Variants in ETFDH observed in about 807,000 individuals in gnomAD.
ETFDH encodes electron transfer flavoprotein-ubiquinone oxidoreductase, mitochondrial.
Under a neutral mutation model 73.2 loss-of-function variants are expected in ETFDH, and 61 were observed. That is an observed-to-expected ratio of 0.83 (90% CI 0.68 to 1.03). ETFDH has a LOEUF of 1.03. Ranked by LOEUF, ETFDH falls within the 50% of genes least tolerant of loss-of-function variation. The pLI is 0.00. For missense variants in ETFDH, 685 were observed against 745.0 expected, an observed-to-expected ratio of 0.92 and a Z score of 0.94; for synonymous variants, 243 against 253.3, an observed-to-expected ratio of 0.96 and a Z score of 0.39.
At chr4:158,696,322 G>A (rs1234278805) in intron 7 of ETFDH, among the ~76,000 whole-genome samples, 3 of 152,074 alleles carry the variant, frequency 2.0e-5, no homozygotes, top group Non-Finnish European at 2.9e-5. Flanking sequence ...CCTGGGCAAT[G>A]TAGTGAGACC....
intron 1 of ETFDH, among the ~76,000 whole-genome samples, chr4:158,672,760 A>G (rs1773609141): frequency 6.6e-6 from 1 of 152,062 alleles, no homozygotes; most frequent in Admixed American, 6.6e-5. Flanking sequence ...CTGTCAACAC[A>G]CACACACCTC....
intron 4 of ETFDH, 79 bp from the exon 5 acceptor site, chr4:158,685,022 C>T (rs535767404): frequency 1.8e-5 from 15 of 853,466 alleles, no homozygotes; most frequent in African/African-American, 8.5e-5. Flanking sequence ...CATATTGATT[C>T]GAAATTTTAA....
rs1416118938 is a variant in ETFDH, at chr4:158,672,439, G to A, written c.-18G>A. 6.2e-7 allele frequency: 1 copy of A among 1,614,138 alleles called. No homozygotes were observed. The highest frequency in any genetic ancestry group is 1.7e-5 in the Admixed American group (1 of 60,034). On this transcript the variant is annotated 5_prime_UTR_variant, in exon 1 of 13. Transcript: ENST00000511912. ...GTCCTCCTGTTGTGTCCGACCGAGA[G>A]TCCTGGTGACTTTGAACATGCTGGT...
chr4:158,680,737 A>C, intron 2 of ETFDH, 130 bp downstream of exon 2: 1 of 750,466 alleles, frequency 1.3e-6, no homozygotes, highest in Non-Finnish European at 2.3e-6. Context: ...ACCAAGTCAC[A>C]TGCTGCATAA....
At chr4:158,675,523 T>G (rs1773689348) in intron 1 of ETFDH, among the ~76,000 whole-genome samples, 1 of 152,164 alleles carries the variant, frequency 6.6e-6, no homozygotes, top group South Asian at 2.1e-4. Flanking sequence ...TCCCAGCGTT[T>G]TGGGAGGCTG....
rs188032173 is a variant in ETFDH at position 158,688,589 on chromosome 4, C to T, written c.607-1759C>T. On this transcript the variant is annotated intron_variant, in intron 5 of 12. Coordinates refer to ENST00000511912, the MANE Select transcript of ETFDH (RefSeq NM_004453.4). Reference sequence around the variant, plus strand: ...TTGGGAGGCTGAGGCAGGAGAATGTCGTGAACCCGGGAGGCAGAGCTTGCA... The same window carrying T: ...TTGGGAGGCTGAGGCAGGAGAATGTTGTGAACCCGGGAGGCAGAGCTTGCA... Among the ~76,000 whole-genome samples, 539 of 152,020 alleles carry T rather than the reference C, an allele frequency of 3.5e-3. 1 individual carries two copies. Among genetic ancestry groups the T allele is most frequent in the African/African-American group, 0.012 (487 of 41,458 alleles).
rs748958949 is a variant in ETFDH, at chr4:158,697,608, C to G, written c.881C>G (p.Thr294Ser). 9 of 1,612,518 alleles carry G rather than the reference C, an allele frequency of 5.6e-6. No homozygotes were observed. Among genetic ancestry groups the G allele is most frequent in the East Asian group, 2.2e-5 (1 of 44,840 alleles). ...KNWKPGRVDH[T>S]VGWPLDRHTY... ...TGGAAACCTGGGAGAGTAGATCACA[C>G]TGTTGGTTGGCCCTTGGACAGACAT... Residue 294 changes from threonine to serine, a missense_variant, in exon 8 of 13, where the codon ACT (threonine) becomes AGT (serine). Coordinates refer to ENST00000511912, the MANE Select transcript of ETFDH (RefSeq NM_004453.4).
intron 1 of ETFDH, chr4:158,680,083 T>TGAAAAAAAAA (rs1773806591): frequency 1.6e-4 from 1 of 6,438 alleles, no homozygotes; most frequent in South Asian, 3.6e-3. Context: ...AGACTCTGTC[T>TGAAAAAAAAA]CAAAAAAAAA....
Position 158,684,629 on chromosome 4 carries a change from G to T in ETFDH, c.443G>T (p.Gly148Val). 1 of 1,584,862 alleles carries T rather than the reference G, an allele frequency of 6.3e-7. No homozygotes were observed. Among genetic ancestry groups the T allele is most frequent in the Non-Finnish European group, 8.7e-7 (1 of 1,153,546 alleles). Residue 148 changes from glycine to valine, a missense_variant, in exon 4 of 13, where the codon GGA becomes GTA. Around this residue, in one of 3 missense-constraint regions of ETFDH, gnomAD observed 405 missense variants for 399.3 expected, o/e 1.01. Coordinates refer to ENST00000511912, the MANE Select transcript of ETFDH (RefSeq NM_004453.4). ...ACTCCTGTAACAGAAGACAGATTTG[G>T]AATTTTAACAGAGAAATACAGAATT... ...LNTPVTEDRF[G>V]ILTEKYRIPV...
chr4:158,685,362 T>A, intron 5 of ETFDH, 143 bp downstream of exon 5: 1 of 623,664 alleles, frequency 1.6e-6, no homozygotes, highest in Non-Finnish European at 2.9e-6. Flanking sequence ...ATCTTTAAAG[T>A]ATCTAATCCA....
chr4:158,691,474 G>A (rs1162017246), intron 6 of ETFDH, among the ~76,000 whole-genome samples: 2 of 152,074 alleles, frequency 1.3e-5, no homozygotes, highest in African/African-American at 2.4e-5. Flanking sequence ...ACAGGCGTGC[G>A]CCACCATACC....
chr4:158,708,683 TAAAGAA>T lies in ETFDH; in HGVS notation c.*158_*163del, dbSNP rs1416673354. 3.1e-6 allele frequency: 2 copies of T among 654,650 alleles called. No homozygotes were observed. The highest frequency in any genetic ancestry group is 5.4e-6 in the Non-Finnish European group (2 of 373,304). The allele number at this position is 654,650 out of a possible 1,614,324, so 40.6% of individuals were successfully genotyped here. A position where few individuals can be genotyped will look rare whatever the true frequency, so the allele number is the denominator to read the frequency against. On this transcript the variant is annotated 3_prime_UTR_variant, in exon 13 of 13. Coordinates refer to ENST00000511912, the MANE Select transcript of ETFDH (RefSeq NM_004453.4). ...TTATACTATATGTAAGATTGTCCCA[TAAAGAA>T]ATTACGGGTATTGCTTTTAAATAAC...
At chr4:158,690,277 C>A in intron 5 of ETFDH, 71 bp from the exon 6 acceptor site, 1 of 842,506 alleles carries the variant, frequency 1.2e-6, no homozygotes, top group Non-Finnish European at 2.1e-6. Context: ...AAACCTAAGG[C>A]TGTTTACTGT....
intron 1 of ETFDH, among the ~76,000 whole-genome samples, chr4:158,675,982 G>T (rs1406449118): frequency 1.3e-5 from 2 of 152,152 alleles, no homozygotes; most frequent in South Asian, 2.1e-4. Context: ...CCACATCCTT[G>T]CTAACTCTTG....
At chr4:158,707,672 TATC>T (rs17843971) in intron 12 of ETFDH, among the ~76,000 whole-genome samples, 1,896 of 152,334 alleles carry the variant, frequency 0.012, 38 homozygotes, top group African/African-American at 0.041. Context: ...ACTGTCACAT[TATC>T]ATACTTGTGT....
chr4:158,692,886 A>AT (rs928714324), intron 6 of ETFDH, among the ~76,000 whole-genome samples: 12 of 88,150 alleles, frequency 1.4e-4, no homozygotes, highest in South Asian at 3.5e-4. Flanking sequence ...TAAAAAAAAA[A>AT]AAACATATAT....
chr4:158,697,596 GAGT>G lies in ETFDH; in HGVS notation c.872_874del (p.Val291del), dbSNP rs752779173. 6.2e-7 allele frequency: 1 copy of G among 1,613,058 alleles called. No homozygotes were observed. The highest frequency in any genetic ancestry group is 1.1e-5 in the South Asian group (1 of 91,046). On this transcript the variant is annotated inframe_deletion, in exon 8 of 13. Transcript: ENST00000511912. The stretch of plus-strand genomic sequence containing the variant: ...GATGAAAAGAACTGGAAACCTGGGA[GAGT>G]AGATCACACTGTTGGTTGGCCCTTG...
chr4:158,690,567 T>C, intron 6 of ETFDH, 142 bp downstream of exon 6: 5 of 691,286 alleles, frequency 7.2e-6, no homozygotes, highest in Non-Finnish European at 1.3e-5. Flanking sequence ...TAGTCCTAGC[T>C]ACTTTGGAGG....
chr4:158,692,675 G>C (rs1266818125), intron 6 of ETFDH, among the ~76,000 whole-genome samples: 9 of 150,160 alleles, frequency 6.0e-5, no homozygotes, highest in African/African-American at 2.2e-4. Context: ...TTATATTTTA[G>C]TCTAAATATT....
Sources: gnomAD v4.1 joint callset for allele counts (sites outside exome capture counted in the v4.1 genomes callset) on GRCh38, gnomAD v4.1.1 for gene constraint, gnomAD v4.1.1 regional missense constraint, MANE v1.5 for transcripts, NCBI Gene and HGNC (gene_info 2026-07-23, HGNC 2026-07-21) for gene names.